FANK1: variants seen among roughly 807,000 people sequenced by gnomAD.
FANK1 encodes fibronectin type III and ankyrin repeat domains 1.
A neutral mutation model predicts 45.3 loss-of-function variants in FANK1; 44 were observed. The observed-to-expected ratio is 0.97, with a 90% CI of 0.76 to 1.25. FANK1 has a LOEUF of 1.25. Among genes scored for constraint, FANK1 ranks in the 50% most tolerant of loss-of-function variants. FANK1 has a pLI of 0.00. For synonymous variants in FANK1, 149 were observed against 152.5 expected (o/e 0.98, Z 0.17); for missense variants, 391 against 424.4 (o/e 0.92, Z 0.69).
intron 1 of FANK1, among the ~76,000 whole-genome samples, chr10:125,944,541 G>A (rs1229584719): frequency 6.6e-6 from 1 of 152,078 alleles, no homozygotes; most frequent in African/African-American, 2.4e-5. Context: ...CCCCAAAACT[G>A]GCCATAAACA....
chr10:125,899,282 ACTC>A (rs1271590767), intron 1 of FANK1, among the ~76,000 whole-genome samples: 8 of 151,556 alleles, frequency 5.3e-5, no homozygotes, highest in Non-Finnish European at 1.2e-4. Flanking sequence ...CTGGTCTTGA[ACTC>A]CTAACTTCAG....
At chr10:125,896,834 G>A (rs1944568251) in intron 1 of FANK1, among the ~76,000 whole-genome samples, 179 bp downstream of exon 1, 1 of 152,298 alleles carries the variant, frequency 6.6e-6, no homozygotes, top group South Asian at 2.1e-4. Flanking sequence ...GCTACATCCT[G>A]CCAAGTCTGT....
At chr10:125,974,577 A>G (rs1033252876) in intron 1 of FANK1, among the ~76,000 whole-genome samples, 2 of 152,164 alleles carry the variant, frequency 1.3e-5, no homozygotes, top group Admixed American at 6.5e-5. Context: ...TATACACTCT[A>G]CTGCACCCCT....
At chr10:125,942,388 A>G (rs1465688803) in intron 1 of FANK1, among the ~76,000 whole-genome samples, 3 of 152,242 alleles carry the variant, frequency 2.0e-5, no homozygotes, top group Admixed American at 6.5e-5. Flanking sequence ...ATTTAAAAGA[A>G]CAATTTATTC....
intron 1 of FANK1, among the ~76,000 whole-genome samples, chr10:125,911,867 T>G (rs1237044737): frequency 2.0e-5 from 3 of 152,204 alleles, no homozygotes; most frequent in Non-Finnish European, 4.4e-5. Context: ...TTTGTGTCCT[T>G]CCTGTTAACC....
Position 126,004,887 on chromosome 10 carries a change from A to C in FANK1, c.543A>C (p.Leu181=). ...NLKNGSGKDS[L]MLACYAGHLD... ...CCGCTTCTTCCATATGTTGCAGTCT[A>C]ATGCTGGCGTGCTATGCGGGACACC... Residue 181 remains leucine (L), a synonymous_variant, in exon 7 of 11, where the codon CTA becomes CTC. Coordinates refer to ENST00000368693, the MANE Select transcript of FANK1 (RefSeq NM_145235.5). The C allele has an allele frequency of 6.2e-7, 1 of 1,614,084 alleles. No individual in the cohort carries two copies. The highest frequency in any genetic ancestry group is 1.1e-5 in the South Asian group (1 of 91,074).
chr10:125,979,540 T>G (rs1003957896), intron 1 of FANK1, among the ~76,000 whole-genome samples: 2 of 152,238 alleles, frequency 1.3e-5, no homozygotes, highest in Admixed American at 6.5e-5. Flanking sequence ...GTTATGAAAT[T>G]TCTTTTTCAG....
intron 1 of FANK1, among the ~76,000 whole-genome samples, chr10:125,974,589 G>A (rs761770430): frequency 5.3e-5 from 8 of 152,104 alleles, no homozygotes; most frequent in Non-Finnish European, 1.2e-4. Context: ...TGCACCCCTT[G>A]TTACCTTTGG....
intron 1 of FANK1, among the ~76,000 whole-genome samples, chr10:125,970,603 A>G (rs1417240578): frequency 6.6e-6 from 1 of 152,244 alleles, no homozygotes; most frequent in Non-Finnish European, 1.5e-5. Context: ...ACTCGAGGTC[A>G]GGAGCTGGAG....
chr10:125,937,217 CAA>C (rs1564890402), intron 1 of FANK1, among the ~76,000 whole-genome samples: 1 of 152,142 alleles, frequency 6.6e-6, no homozygotes, highest in Non-Finnish European at 1.5e-5. Flanking sequence ...TAGATATTGC[CAA>C]ACAGTTGTTC....
intron 1 of FANK1, among the ~76,000 whole-genome samples, chr10:125,908,066 G>A (rs113647606): frequency 2.7e-5 from 4 of 148,086 alleles, no homozygotes; most frequent in East Asian, 2.0e-4. Context: ...GTGCGCTCTC[G>A]GCTCACTACA....
At chr10:125,922,966 A>C (rs1195044317) in intron 1 of FANK1, among the ~76,000 whole-genome samples, 1 of 150,972 alleles carries the variant, frequency 6.6e-6, no homozygotes, top group African/African-American at 2.4e-5. Context: ...TTATTCTCTC[A>C]GTTTGTGTTA....
In FANK1 at chr10:125,949,535, T is replaced by G. The variant is rs546945885; in HGVS notation, c.14-30626T>G. ...CCCAATTGCTTCAAAGAGAATAAAA[T>G]ACCTAGGAATCCAACTTACAAGGGA... On this transcript the variant is annotated intron_variant, in intron 1 of 10. Transcript: ENST00000368693. 1.5e-4 allele frequency among the ~76,000 whole-genome samples: 22 copies of G among 151,604 alleles called. 1 individual carries two copies. In the South Asian group the frequency reaches 4.6e-3, roughly 32 times the overall value.
At chr10:125,912,898 G>C (rs1281974769) in intron 1 of FANK1, among the ~76,000 whole-genome samples, 1 of 152,240 alleles carries the variant, frequency 6.6e-6, no homozygotes, top group African/African-American at 2.4e-5. Flanking sequence ...GCCTCCCAAA[G>C]TGTTGGGATT....
chr10:125,906,272 T>C (rs1028445535), intron 1 of FANK1, among the ~76,000 whole-genome samples: 1 of 152,054 alleles, frequency 6.6e-6, no homozygotes, highest in African/African-American at 2.4e-5. Flanking sequence ...TCCCAGCTCT[T>C]TGAGAGGCCA....
chr10:125,920,855 T>TG (rs1298689741), intron 1 of FANK1, among the ~76,000 whole-genome samples: 2 of 152,382 alleles, frequency 1.3e-5, no homozygotes, highest in Non-Finnish European at 2.9e-5. Flanking sequence ...TTACAACAAA[T>TG]TTGGGAGATA....
intron 1 of FANK1, among the ~76,000 whole-genome samples, chr10:125,950,751 C>T (rs1006649312): frequency 4.0e-5 from 6 of 150,802 alleles, no homozygotes; most frequent in Non-Finnish European, 8.9e-5. Flanking sequence ...GGGTATATAC[C>T]CAAATGACTA....
At chr10:125,993,705 T>C (rs1952099193) in intron 3 of FANK1, among the ~76,000 whole-genome samples, 1 of 152,234 alleles carries the variant, frequency 6.6e-6, no homozygotes, top group Non-Finnish European at 1.5e-5. Flanking sequence ...CTGTGAGCCT[T>C]GGCCTTTGAC....
At chr10:125,937,076 AAAAAT>A (rs756121485) in intron 1 of FANK1, among the ~76,000 whole-genome samples, 5 of 152,182 alleles carry the variant, frequency 3.3e-5, no homozygotes, top group Non-Finnish European at 7.3e-5. Flanking sequence ...TCTCAAAAAA[AAAAAT>A]AAAATAATAC....
Sources: allele counts gnomAD v4.1 joint callset (sites outside exome capture counted in the v4.1 genomes callset), GRCh38; gene constraint gnomAD v4.1.1; transcripts MANE v1.5; gene names NCBI Gene and HGNC (gene_info 2026-07-23, HGNC 2026-07-21).